GABRA5: variants seen among roughly 807,000 people sequenced by gnomAD.
GABRA5 encodes gamma-aminobutyric acid type A receptor subunit alpha5.
A neutral mutation model predicts 47.3 loss-of-function variants in GABRA5; 18 were observed. The ratio of observed to expected loss-of-function variants is 0.38; its 90% CI spans 0.26 to 0.56. The LOEUF (loss-of-function observed/expected upper bound fraction) is 0.56, where lower values mean the gene tolerates loss of function less well. GABRA5 is among the 20% of genes least tolerant of loss of function. The pLI, the probability that GABRA5 is intolerant of heterozygous loss-of-function variation, is 0.71. For synonymous variants in GABRA5, 237 were observed against 229.3 expected, an observed-to-expected ratio of 1.03 and a Z score of -0.30; for missense variants, 365 against 599.3, an observed-to-expected ratio of 0.61 and a Z score of 4.08.
intron 6 of GABRA5, among the ~76,000 whole-genome samples, chr15:26,894,663 C>G (rs1893134853): frequency 6.6e-6 from 1 of 152,152 alleles, no homozygotes; most frequent in African/African-American, 2.4e-5. Flanking sequence ...CCTGTACTCT[C>G]TGGTCCTGGC....
chr15:26,940,149 A>G (rs1894351505), intron 9 of GABRA5, 72 bp downstream of exon 9: 1 of 1,378,190 alleles, frequency 7.3e-7, no homozygotes, highest in Admixed American at 2.0e-5. Context: ...AGCAACAGCA[A>G]CAACCTCCAC....
Position 26,883,173 on chromosome 15 carries a change from C to A in GABRA5, c.216C>A (p.Ile72=). The change falls in exon 5 of 11, where the codon ATC becomes ATA. Residue 72 remains isoleucine (I), a synonymous_variant. Coordinates refer to ENST00000335625, the MANE Select transcript of GABRA5 (RefSeq NM_000810.4). The surrounding 1 kb of genome is among the most constrained non-coding windows in gnomAD (Gnocchi z 4.8). ...CCTGTGTCTGTCTTTCAGAGCGCAT[C>A]ACTCAGGTGAGGACCGACATCTACG... ...NRLRPGLGER[I]TQVRTDIYVT... 1 of 1,613,716 alleles carries A rather than the reference C, an allele frequency of 6.2e-7. No individual in the cohort carries two copies. The highest frequency in any genetic ancestry group is 8.5e-7 in the Non-Finnish European group (1 of 1,179,666).
At chr15:26,888,860 G>T (rs1359175337) in intron 6 of GABRA5, among the ~76,000 whole-genome samples, 1 of 152,212 alleles carries the variant, frequency 6.6e-6, no homozygotes, top group Non-Finnish European at 1.5e-5. Flanking sequence ...AGGAGAGCAA[G>T]TCCCCCCGGT....
At chr15:26,894,400 C>T (rs1893125996) in intron 6 of GABRA5, among the ~76,000 whole-genome samples, 2 of 152,144 alleles carry the variant, frequency 1.3e-5, no homozygotes, top group African/African-American at 4.8e-5. Flanking sequence ...GCCAGTGGGT[C>T]CCCGGGTGAG....
chr15:26,901,884 T>C (rs959888668), intron 6 of GABRA5, among the ~76,000 whole-genome samples: 1 of 152,182 alleles, frequency 6.6e-6, no homozygotes, highest in Admixed American at 6.6e-5. Context: ...GCCCATTTGG[T>C]CCAGCACTTG....
At chr15:26,939,144 A>G in intron 8 of GABRA5, 1 of 725,658 alleles carries the variant, frequency 1.4e-6, no homozygotes, top group Non-Finnish European at 2.5e-6. Flanking sequence ...AACACTTCCC[A>G]TCTCCCCAAG....
At chr15:26,868,116 G>C (rs1330471324) in intron 1 of GABRA5, 1 of 151,930 alleles carries the variant, frequency 6.6e-6, no homozygotes, top group African/African-American at 2.4e-5. Flanking sequence ...CTCTGTGGGG[G>C]TCCGGAGGGT....
intron 6 of GABRA5, among the ~76,000 whole-genome samples, chr15:26,905,070 T>C (rs1893411877): frequency 6.6e-6 from 1 of 152,170 alleles, no homozygotes; most frequent in African/African-American, 2.4e-5. Flanking sequence ...CTTTTGCCCA[T>C]TCAGAATGAT....
At chr15:26,893,885 C>T (rs544318091) in intron 6 of GABRA5, among the ~76,000 whole-genome samples, 3 of 152,210 alleles carry the variant, frequency 2.0e-5, no homozygotes, top group East Asian at 1.9e-4. Context: ...GACCTATGTG[C>T]GCGCGGGGCG....
intron 3 of GABRA5, among the ~76,000 whole-genome samples, chr15:26,874,779 TA>T (rs78745508): frequency 0.38 from 58,125 of 152,008 alleles, 11,371 homozygotes; most frequent in East Asian, 0.47. Flanking sequence ...TATTTTAAAA[TA>T]AAAAAAAGTC....
chr15:26,893,944 G>T (rs1036144999), intron 6 of GABRA5, among the ~76,000 whole-genome samples: 2 of 152,100 alleles, frequency 1.3e-5, no homozygotes, highest in African/African-American at 4.8e-5. Context: ...AAAGGTGGCC[G>T]GGGACAGATT....
chr15:26,911,855 CG>C (rs1566877566), intron 6 of GABRA5, among the ~76,000 whole-genome samples: 1 of 152,098 alleles, frequency 6.6e-6, no homozygotes, highest in Admixed American at 6.5e-5. Context: ...GAGTGCCTGC[CG>C]GGGTCTGGCA....
intron 6 of GABRA5, among the ~76,000 whole-genome samples, chr15:26,901,805 A>T (rs1893333544): frequency 6.6e-6 from 1 of 152,114 alleles, no homozygotes; most frequent in Non-Finnish European, 1.5e-5. Context: ...TAGATCTGTG[A>T]TCCATTTTGA....
Position 26,867,822 on chromosome 15 carries a change from G to A in GABRA5, c.-140+711G>A, listed in dbSNP as rs1892357250. 6.6e-6 allele frequency: 1 copy of A among 152,090 alleles called. No homozygotes were observed. Among genetic ancestry groups the A allele is most frequent in the Admixed American group, 6.5e-5 (1 of 15,272 alleles). 9.4% of individuals were successfully genotyped at this position (152,090 alleles called of 1,614,324 possible). A position where few individuals can be genotyped will look rare whatever the true frequency, so the allele number is the denominator to read the frequency against. Reference sequence around the variant, plus strand: ...CGCGGGGGTGTCGCGCGCGTGTCGCGCGGGCTGCTCGAGGCCAGGGGACTT... The same window carrying A: ...CGCGGGGGTGTCGCGCGCGTGTCGCACGGGCTGCTCGAGGCCAGGGGACTT... On this transcript the variant is annotated intron_variant, in intron 1 of 10. Transcript: ENST00000335625. This position sits in a 1 kb window ranked among gnomAD's most constrained non-coding sequence, Gnocchi z 5.9.
intron 6 of GABRA5, among the ~76,000 whole-genome samples, chr15:26,895,316 C>T (rs1893155584): frequency 6.6e-6 from 1 of 152,028 alleles, no homozygotes; most frequent in Non-Finnish European, 1.5e-5. Context: ...AAAAGACCAC[C>T]CGGACTTACC....
intron 7 of GABRA5, among the ~76,000 whole-genome samples, chr15:26,929,980 T>G (rs1438896910): frequency 4.0e-5 from 6 of 150,510 alleles, no homozygotes; most frequent in Admixed American, 6.6e-5. Context: ...AAATTCTGCT[T>G]CTTTCTTCTT....
chr15:26,888,254 C>T (rs1892926056), intron 6 of GABRA5, among the ~76,000 whole-genome samples: 1 of 152,178 alleles, frequency 6.6e-6, no homozygotes, highest in Admixed American at 6.5e-5. Context: ...TCAGAATCAG[C>T]CCAAAGAGAG....
intron 6 of GABRA5, among the ~76,000 whole-genome samples, chr15:26,900,580 A>G (rs924740950): frequency 3.3e-5 from 5 of 152,160 alleles, no homozygotes; most frequent in African/African-American, 1.2e-4. Flanking sequence ...TTACAGACAA[A>G]TTAAGAGTAT....
At chr15:26,932,726 A>T (rs567251171) in intron 7 of GABRA5, among the ~76,000 whole-genome samples, 1 of 152,242 alleles carries the variant, frequency 6.6e-6, no homozygotes, top group African/African-American at 2.4e-5. Flanking sequence ...ATGCCCATCA[A>T]TGATAGACTG....
Sources: allele counts gnomAD v4.1 joint callset (sites outside exome capture counted in the v4.1 genomes callset), GRCh38; gene constraint gnomAD v4.1.1; non-coding constraint Gnocchi (gnomAD v3.1); transcripts MANE v1.5; gene names NCBI Gene and HGNC (gene_info 2026-07-23, HGNC 2026-07-21).